The following NBEAL1 variants were observed in gnomAD, a reference collection of about 807,000 sequenced individuals.
NBEAL1 encodes neurobeachin-like protein 1.
NBEAL1 carries 273 observed loss-of-function variants against 351.3 expected under a neutral mutation model. That is an observed-to-expected ratio of 0.78 (90% confidence interval 0.70 to 0.86). NBEAL1 has a LOEUF of 0.86. Among genes scored for constraint, NBEAL1 ranks in the 40% least tolerant of loss-of-function variants. The pLI is 0.00. For synonymous variants in NBEAL1, 1,050 were observed against 1,086.4 expected (o/e 0.97, Z 0.66); for missense variants, 2,961 against 3,201.3 (o/e 0.92, Z 1.81).
At chr2:203,192,226 G>A (rs922566460) in intron 46 of NBEAL1, among the ~76,000 whole-genome samples, 4 of 152,128 alleles carry the variant, frequency 2.6e-5, no homozygotes, top group African/African-American at 9.7e-5. Flanking sequence ...AAAACAGAAT[G>A]CTTCACAGGG....
intron 47 of NBEAL1, among the ~76,000 whole-genome samples, chr2:203,195,814 G>A (rs979233755): frequency 2.6e-5 from 4 of 152,246 alleles, no homozygotes; most frequent in African/African-American, 9.6e-5. Context: ...TTTTATTGGA[G>A]GCTGGTCGCG....
chr2:203,059,938 C>T (rs1180757767), intron 6 of NBEAL1, among the ~76,000 whole-genome samples: 1 of 152,130 alleles, frequency 6.6e-6, no homozygotes, highest in Non-Finnish European at 1.5e-5. Context: ...ATCAGTGTTC[C>T]CCCTGTTTTG....
intron 10 of NBEAL1, among the ~76,000 whole-genome samples, chr2:203,094,984 C>A (rs188656218): frequency 6.6e-6 from 1 of 151,758 alleles, no homozygotes; most frequent in Non-Finnish European, 1.5e-5. Flanking sequence ...ATTAGCCAGG[C>A]GTGGTGGCGC....
Position 203,167,114 on chromosome 2 carries a change from A to G in NBEAL1, c.5864-113A>G, listed in dbSNP as rs193251973. On this transcript the variant is annotated intron_variant, in intron 37 of 55. Transcript: ENST00000683969. The stretch of plus-strand genomic sequence containing the variant: ...ATTTAACAAATGGTTTATATAGTAC[A>G]GAAATTGAATTCCTTTTTCCTAAAA... The G allele has an allele frequency of 5.6e-4, 547 of 968,900 alleles. 1 individual carries two copies. The highest frequency in any genetic ancestry group is 5.2e-3 in the Admixed American group (210 of 40,088). The allele number at this position is 968,900 out of a possible 1,614,324, so 60.0% of individuals were successfully genotyped here.
chr2:203,197,337 C>T lies in NBEAL1; in HGVS notation c.7074C>T (p.Thr2358=), dbSNP rs564650477. 1.4e-5 allele frequency: 22 copies of T among 1,603,804 alleles called. No homozygotes were observed. The highest frequency in any genetic ancestry group is 4.0e-5 in the African/African-American group (3 of 74,876). The change falls in exon 48 of 56, where the codon ACC becomes ACT. Residue 2358 remains threonine (T), a synonymous_variant. Transcript: ENST00000683969. The part of the protein sequence containing the change: ...ISDGIPLLKA[T]IPKNQYRSFM... ...ATGGTATTCCACTATTAAAGGCCACCATCCCCAAAAATCAGTATCGTTCTT... is the reference window on the plus strand; with the variant it reads ...ATGGTATTCCACTATTAAAGGCCACTATCCCCAAAAATCAGTATCGTTCTT...
Position 203,126,557 on chromosome 2 carries a change from G to T in NBEAL1, c.2986G>T (p.Val996Leu). The change falls in exon 22 of 56, where the codon GTG becomes TTG. Residue 996 changes from valine to leucine, a missense_variant and splice_region_variant. Physicochemically the swap from Val to Leu is conservative, Grantham distance 32. Coordinates refer to ENST00000683969, the MANE Select transcript of NBEAL1 (RefSeq NM_001378026.1). ...VATLGALLQK[V>L]PSTLMDVNVL... ...GAAACCCTCTTCTGTTTGGTTTCAG[G>T]TGCCAAGCACCTTGATGGATGTTAA... is the stretch of plus-strand genomic sequence containing the variant. The T allele has an allele frequency of 6.9e-7, 1 of 1,448,418 alleles. No homozygotes were observed. Among genetic ancestry groups the T allele is most frequent in the Middle Eastern group, 1.8e-4 (1 of 5,542 alleles). The allele number at this position is 1,448,418 out of a possible 1,614,324, so 89.7% of individuals were successfully genotyped here.
Position 203,127,920 on chromosome 2 carries a change from A to G in NBEAL1, c.3388A>G (p.Thr1130Ala). ...IQSIMGYIAA[T>A]NEEEQLFGIL... Reference sequence around the variant, plus strand: ...AAGTATTATGGGGTACATAGCTGCTACTAATGAAGAAGAACAGGTATTATG... The same window carrying G: ...AAGTATTATGGGGTACATAGCTGCTGCTAATGAAGAAGAACAGGTATTATG... Residue 1130 changes from threonine to alanine, a missense_variant, in exon 24 of 56, where the codon ACT (threonine) becomes GCT (alanine). Coordinates refer to ENST00000683969, the MANE Select transcript of NBEAL1 (RefSeq NM_001378026.1). 1.3e-6 allele frequency: 2 copies of G among 1,550,128 alleles called. No individual in the cohort carries two copies. The highest frequency in any genetic ancestry group is 1.7e-6 in the Non-Finnish European group (2 of 1,145,602).
intron 2 of NBEAL1, among the ~76,000 whole-genome samples, chr2:203,028,327 A>T (rs2060894011): frequency 6.6e-6 from 1 of 151,752 alleles, no homozygotes; most frequent in South Asian, 2.1e-4. Context: ...TGACTTTTTG[A>T]TTGGATTTAT....
intron 2 of NBEAL1, chr2:203,040,844 G>A: frequency 2.2e-6 from 1 of 454,630 alleles, no homozygotes; most frequent in Non-Finnish European, 4.2e-6. Context: ...AAGGAGATGG[G>A]CTCACATGGC....
intron 50 of NBEAL1, among the ~76,000 whole-genome samples, chr2:203,201,945 T>G (rs181823585): frequency 1.2e-4 from 18 of 152,148 alleles, no homozygotes; most frequent in African/African-American, 4.1e-4. Flanking sequence ...CTGGAAAATG[T>G]TAGGCTAAGT....
chr2:203,186,899 A>G (rs1010284463), intron 44 of NBEAL1, among the ~76,000 whole-genome samples: 1 of 152,018 alleles, frequency 6.6e-6, no homozygotes, highest in African/African-American at 2.4e-5. Flanking sequence ...ATTCCTAGAC[A>G]CTCTATTTTC....
intron 12 of NBEAL1, among the ~76,000 whole-genome samples, chr2:203,102,741 T>C (rs180940982): frequency 2.6e-5 from 4 of 152,338 alleles, no homozygotes; most frequent in African/African-American, 9.6e-5. Flanking sequence ...GCATCTATGT[T>C]TATCAAGGAT....
chr2:203,076,081 T>G (rs1001846110), intron 7 of NBEAL1, among the ~76,000 whole-genome samples: 1 of 152,150 alleles, frequency 6.6e-6, no homozygotes, highest in Non-Finnish European at 1.5e-5. Flanking sequence ...GGGAAAAGCA[T>G]AGCAGTTTAT....
intron 19 of NBEAL1, 50 bp downstream of exon 19, chr2:203,122,393 T>A: frequency 8.6e-7 from 1 of 1,158,108 alleles, no homozygotes; most frequent in South Asian, 1.4e-5. Context: ...TTACTGATAC[T>A]CTTATTAAGG....
At chr2:203,029,938 G>T (rs1271654118) in intron 2 of NBEAL1, among the ~76,000 whole-genome samples, 1 of 152,158 alleles carries the variant, frequency 6.6e-6, no homozygotes, top group African/African-American at 2.4e-5. Context: ...TTTCCAGCTA[G>T]AATCAGTTTC....
At chr2:203,160,430 C>G (rs1214056410) in intron 36 of NBEAL1, among the ~76,000 whole-genome samples, 3 of 152,046 alleles carry the variant, frequency 2.0e-5, no homozygotes, top group Non-Finnish European at 4.4e-5. Flanking sequence ...TTGATAGTCT[C>G]TATTTGATGA....
intron 42 of NBEAL1, among the ~76,000 whole-genome samples, chr2:203,177,235 A>G (rs2064537134): frequency 6.6e-6 from 1 of 151,890 alleles, no homozygotes; most frequent in African/African-American, 2.4e-5. Context: ...TACCTAGAAT[A>G]TATAAAAAAC....
chr2:203,147,987 A>C lies in NBEAL1; in HGVS notation c.5305-1004A>C, dbSNP rs16824619. Among the ~76,000 whole-genome samples, 820 of 152,018 alleles carry C rather than the reference A, an allele frequency of 5.4e-3. 10 individuals carry two copies. Among genetic ancestry groups the C allele is most frequent in the African/African-American group, 0.019 (774 of 41,504 alleles). ...TATCCTCATATTATTGAACCTCAAA[A>C]CTGTGGAATTTATGTTTAATTACCA... On this transcript the variant is annotated intron_variant, in intron 33 of 55. Transcript: ENST00000683969.
Position 203,225,163 on chromosome 2 carries a change from A to G in NBEAL1, c.*7809A>G, listed in dbSNP as rs922104112. On this transcript the variant is annotated 3_prime_UTR_variant, in exon 56 of 56. Coordinates refer to ENST00000683969, the MANE Select transcript of NBEAL1 (RefSeq NM_001378026.1). Reference sequence around the variant, plus strand: ...GCTTTGTATATGAAAATGGGTTTGAATCAAATAAAAAAAGTGATGTTACTT... The same window carrying G: ...GCTTTGTATATGAAAATGGGTTTGAGTCAAATAAAAAAAGTGATGTTACTT... 1.3e-5 allele frequency among the ~76,000 whole-genome samples: 2 copies of G among 152,214 alleles called. No individual in the cohort carries two copies. The highest frequency in any genetic ancestry group is 2.4e-5 in the African/African-American group (1 of 41,458).
Sources: gnomAD v4.1 joint callset for allele counts (sites outside exome capture counted in the v4.1 genomes callset) on GRCh38, gnomAD v4.1.1 for gene constraint, MANE v1.5 for transcripts, NCBI Gene and HGNC (gene_info 2026-07-23, HGNC 2026-07-21) for gene names.